The following ST6GALNAC3 variants were observed in gnomAD, a reference collection of about 807,000 sequenced individuals.
The protein encoded by ST6GALNAC3 is ST6 N-acetylgalactosaminide alpha-2,6-sialyltransferase 3.
In ST6GALNAC3, 25 loss-of-function variants were observed where a neutral mutation model predicts 32.7. That is an observed-to-expected ratio of 0.76 (90% CI 0.56 to 1.07). ST6GALNAC3 has a LOEUF of 1.07. ST6GALNAC3 is among the 50% of genes least tolerant of loss of function. The pLI is 0.00. For missense variants in ST6GALNAC3, 355 were observed against 382.4 expected (o/e 0.93, Z 0.60); for synonymous variants, 129 against 133.1 (o/e 0.97, Z 0.21).
intron 1 of ST6GALNAC3, among the ~76,000 whole-genome samples, chr1:76,200,093 A>C: frequency 6.6e-6 from 1 of 152,322 alleles, no homozygotes; most frequent in Middle Eastern, 3.4e-3. Context: ...AACTATGCAC[A>C]TGGTAAGTAT....
At chr1:76,419,944 CTTTT>C (rs66531652) in intron 3 of ST6GALNAC3, among the ~76,000 whole-genome samples, 6 of 138,806 alleles carry the variant, frequency 4.3e-5, no homozygotes, top group Non-Finnish European at 3.1e-5. Flanking sequence ...TTCTTTCTTT[CTTTT>C]TTTTTTTTTT....
chr1:76,614,942 G>A (rs1648198853), intron 3 of ST6GALNAC3, among the ~76,000 whole-genome samples: 1 of 151,824 alleles, frequency 6.6e-6, no homozygotes, highest in East Asian at 1.9e-4. Flanking sequence ...TGTCGTCTGG[G>A]GTATTGTGGC....
chr1:76,160,818 T>C (rs1651758301), intron 1 of ST6GALNAC3, among the ~76,000 whole-genome samples: 1 of 152,218 alleles, frequency 6.6e-6, no homozygotes, highest in Non-Finnish European at 1.5e-5. Context: ...ATGTGGACTT[T>C]CACCAGTCCA....
At chr1:76,489,800 G>A (rs572219470) in intron 3 of ST6GALNAC3, among the ~76,000 whole-genome samples, 21 of 152,282 alleles carry the variant, frequency 1.4e-4, no homozygotes, top group Non-Finnish European at 2.9e-4. Context: ...AAAGTGGATA[G>A]GACCTTAGTC....
chr1:76,156,817 C>T (rs1452375098), intron 1 of ST6GALNAC3, among the ~76,000 whole-genome samples: 1 of 152,158 alleles, frequency 6.6e-6, no homozygotes, highest in Non-Finnish European at 1.5e-5. Flanking sequence ...CTGCAAGCTC[C>T]GCCTCCCGGG....
intron 1 of ST6GALNAC3, among the ~76,000 whole-genome samples, chr1:76,135,980 G>C (rs1036562695): frequency 6.6e-6 from 1 of 152,132 alleles, no homozygotes; most frequent in African/African-American, 2.4e-5. Flanking sequence ...AGGCTTTTCT[G>C]CTCAGGATGG....
chr1:76,456,668 A>G, intron 3 of ST6GALNAC3, among the ~76,000 whole-genome samples: 1 of 151,958 alleles, frequency 6.6e-6, no homozygotes, highest in East Asian at 1.9e-4. Context: ...CATGCTAAAA[A>G]CTCTCAATAA....
Position 76,313,926 on chromosome 1 carries a change from G to T in ST6GALNAC3, c.140G>T (p.Trp47Leu), listed in dbSNP as rs1184159060. ...LNCFGQPGTK[W>L]IPFSYTYRRP... ...TGCTTTGGACAACCTGGTACAAAGT[G>T]GATACCATTCTCCTACACATACAGG... The change falls in exon 2 of 5, where the codon TGG (tryptophan) becomes TTG (leucine). Residue 47 changes from tryptophan to leucine, a missense_variant. Transcript: ENST00000328299. The T allele has an allele frequency of 1.2e-6, 2 of 1,613,526 alleles. No homozygotes were observed. The highest frequency in any genetic ancestry group is 1.7e-6 in the Non-Finnish European group (2 of 1,179,664).
At chr1:76,590,881 G>A (rs188301786) in intron 3 of ST6GALNAC3, among the ~76,000 whole-genome samples, 1 of 152,264 alleles carries the variant, frequency 6.6e-6, no homozygotes, top group East Asian at 1.9e-4. Flanking sequence ...GAATATTAAA[G>A]TAGATGATTC....
rs1033655592 is a variant in ST6GALNAC3 at position 76,626,094 on chromosome 1, A to AAGC, written c.624-1341_624-1339dup. 4.0e-5 allele frequency among the ~76,000 whole-genome samples: 6 copies of AAGC among 151,866 alleles called. No homozygotes were observed. In the East Asian group the frequency reaches 5.8e-4, roughly 15 times the overall value. ...ACACTAAGTAGTGCCTGTTAAAAAG[A>AAGC]AGCAGCAGCAGCAGCAGCAAAGGAT... On this transcript the variant is annotated intron_variant, in intron 3 of 4. Coordinates refer to ENST00000328299, the MANE Select transcript of ST6GALNAC3 (RefSeq NM_152996.4).
At chr1:76,136,045 TGCACAG>T (rs1182594910) in intron 1 of ST6GALNAC3, among the ~76,000 whole-genome samples, 2 of 152,194 alleles carry the variant, frequency 1.3e-5, no homozygotes, top group African/African-American at 4.8e-5. Flanking sequence ...TGGAATCAGC[TGCACAG>T]GGCTGGGAAG....
chr1:76,140,634 T>C (rs1387289237), intron 1 of ST6GALNAC3, among the ~76,000 whole-genome samples: 1 of 149,906 alleles, frequency 6.7e-6, no homozygotes, highest in Non-Finnish European at 1.5e-5. Flanking sequence ...TCTTTCTTTT[T>C]TTTTTTTTTT....
At chr1:76,170,318 G>C (rs1652404685) in intron 1 of ST6GALNAC3, among the ~76,000 whole-genome samples, 1 of 152,130 alleles carries the variant, frequency 6.6e-6, no homozygotes. Context: ...GCAGCTGTTG[G>C]GGGAGCTCCT....
intron 1 of ST6GALNAC3, among the ~76,000 whole-genome samples, chr1:76,082,221 C>A (rs1453775747): frequency 6.6e-6 from 1 of 152,164 alleles, no homozygotes; most frequent in Non-Finnish European, 1.5e-5. Context: ...CTTTAGGGAA[C>A]AGTGGAGGAA....
intron 1 of ST6GALNAC3, among the ~76,000 whole-genome samples, chr1:76,311,361 A>G (rs915402765): frequency 6.6e-6 from 1 of 151,768 alleles, no homozygotes; most frequent in African/African-American, 2.4e-5. Context: ...TACATGTGCC[A>G]TGGTGGTTTG....
At chr1:76,452,090 A>G (rs1571273183) in intron 3 of ST6GALNAC3, among the ~76,000 whole-genome samples, 1 of 152,068 alleles carries the variant, frequency 6.6e-6, no homozygotes, top group African/African-American at 2.4e-5. Context: ...CTGTGTCCCC[A>G]CTCAGATCTC....
chr1:76,179,463 G>T (rs1355440538), intron 1 of ST6GALNAC3, among the ~76,000 whole-genome samples: 1 of 152,150 alleles, frequency 6.6e-6, no homozygotes, highest in African/African-American at 2.4e-5. Context: ...ACCACCATGT[G>T]TGGCCTGGAT....
At chr1:76,205,456 G>C (rs1404095107) in intron 1 of ST6GALNAC3, among the ~76,000 whole-genome samples, 1 of 152,088 alleles carries the variant, frequency 6.6e-6, no homozygotes, top group East Asian at 1.9e-4. Flanking sequence ...ACAGAAGACT[G>C]ACCTTGGGGC....
chr1:76,201,653 TA>T (rs397749837), intron 1 of ST6GALNAC3, among the ~76,000 whole-genome samples: 38 of 151,892 alleles, frequency 2.5e-4, no homozygotes, highest in African/African-American at 8.2e-4. Flanking sequence ...AAAAAACTGT[TA>T]AAAAAAACTT....
Sources: gnomAD v4.1 joint callset for allele counts (sites outside exome capture counted in the v4.1 genomes callset) on GRCh38, gnomAD v4.1.1 for gene constraint, MANE v1.5 for transcripts, NCBI Gene and HGNC (gene_info 2026-07-23, HGNC 2026-07-21) for gene names.